The following CDK19 variants were observed in gnomAD, a reference collection of about 807,000 sequenced individuals.
CDK19 encodes cyclin-dependent kinase 19.
CDK19 carries 20 observed loss-of-function variants against 68.3 expected under a neutral mutation model. The observed-to-expected ratio is 0.29, with a 90% CI of 0.21 to 0.43. CDK19 has a LOEUF of 0.43. CDK19 is among the 20% of genes least tolerant of loss of function. The probability of loss-of-function intolerance (pLI) is 1.00; values close to 1 mark genes in which losing one functional copy is unlikely to be tolerated. For synonymous variants in CDK19, 221 were observed against 222.8 expected (o/e 0.99, Z 0.07); for missense variants, 339 against 623.5 (o/e 0.54, Z 4.86).
At chr6:110,643,356 A>G (rs1780330412) in intron 4 of CDK19, 1 of 398,832 alleles carries the variant, frequency 2.5e-6, no homozygotes, top group Admixed American at 3.4e-5. Context: ...AAGCTGAGTC[A>G]ACTATGGTAA....
chr6:110,629,121 C>T (rs1370445397), intron 6 of CDK19, among the ~76,000 whole-genome samples: 2 of 152,156 alleles, frequency 1.3e-5, no homozygotes, highest in African/African-American at 4.8e-5. Flanking sequence ...CTGCATGTGC[C>T]TGGTCATGCC....
chr6:110,790,279 T>C (rs947639239), intron 1 of CDK19, among the ~76,000 whole-genome samples: 5 of 152,244 alleles, frequency 3.3e-5, no homozygotes, highest in Non-Finnish European at 5.9e-5. Context: ...CTCACGCCTG[T>C]AATCCCAGCA....
At chr6:110,800,298 G>T (rs919454657) in intron 1 of CDK19, among the ~76,000 whole-genome samples, 22 of 152,052 alleles carry the variant, frequency 1.4e-4, no homozygotes, top group African/African-American at 5.1e-4. Flanking sequence ...GTTATGAAAT[G>T]GAATCAGTAA....
At chr6:110,645,247 CTA>C (rs1245321759) in intron 4 of CDK19, among the ~76,000 whole-genome samples, 1 of 152,050 alleles carries the variant, frequency 6.6e-6, no homozygotes, top group Non-Finnish European at 1.5e-5. Flanking sequence ...ATCAAACAGA[CTA>C]TGTTCTCTAA....
intron 1 of CDK19, among the ~76,000 whole-genome samples, chr6:110,759,605 T>G (rs1181260494): frequency 1.3e-5 from 2 of 150,852 alleles, no homozygotes; most frequent in Admixed American, 6.6e-5. Flanking sequence ...CTGGGCATTA[T>G]AGCAAAACCC....
intron 2 of CDK19, 146 bp from the exon 3 acceptor site, chr6:110,670,687 T>C (rs56013322): frequency 0.035 from 22,840 of 658,758 alleles, 568 homozygotes; most frequent in South Asian, 0.079. Context: ...CCCAAAATAC[T>C]GGCATTCAGA....
intron 5 of CDK19, among the ~76,000 whole-genome samples, chr6:110,637,745 C>T (rs553971729): frequency 6.6e-6 from 1 of 152,232 alleles, no homozygotes; most frequent in Non-Finnish European, 1.5e-5. Context: ...TTTGGGAAGC[C>T]AAGGCAGGCA....
At chr6:110,791,567 C>T (rs1781597490) in intron 1 of CDK19, among the ~76,000 whole-genome samples, 1 of 152,058 alleles carries the variant, frequency 6.6e-6, no homozygotes, top group African/African-American at 2.4e-5. Flanking sequence ...GTAGGTATTT[C>T]CTGAGAAAGA....
chr6:110,693,810 G>A (rs1773242758), intron 2 of CDK19, among the ~76,000 whole-genome samples: 1 of 152,100 alleles, frequency 6.6e-6, no homozygotes, highest in Non-Finnish European at 1.5e-5. Flanking sequence ...ACCTGCCCAA[G>A]TAGCTGAAGA....
intron 8 of CDK19, among the ~76,000 whole-genome samples, chr6:110,624,844 T>TAG (rs1221765017): frequency 6.6e-6 from 1 of 152,220 alleles, no homozygotes; most frequent in Admixed American, 6.5e-5. Flanking sequence ...AGACCCCTAC[T>TAG]AGACCCTGAT....
intron 2 of CDK19, among the ~76,000 whole-genome samples, chr6:110,734,324 T>A (rs1777011520): frequency 6.6e-6 from 1 of 152,074 alleles, no homozygotes; most frequent in Admixed American, 6.6e-5. Flanking sequence ...CATCAACTTT[T>A]AACGGTACCT....
intron 1 of CDK19, among the ~76,000 whole-genome samples, chr6:110,775,141 A>G (rs1180951858): frequency 2.6e-5 from 4 of 152,104 alleles, no homozygotes; most frequent in Non-Finnish European, 5.9e-5. Context: ...GCTACTCGGG[A>G]GGCTGAGGCA....
chr6:110,735,054 A>G (rs1656240914), intron 2 of CDK19, among the ~76,000 whole-genome samples: 1 of 152,110 alleles, frequency 6.6e-6, no homozygotes, highest in African/African-American at 2.4e-5. Context: ...TGGAAAGGAA[A>G]ATCAGAATGG....
chr6:110,749,507 C>T (rs987448854), intron 1 of CDK19, among the ~76,000 whole-genome samples: 1 of 152,060 alleles, frequency 6.6e-6, no homozygotes, highest in African/African-American at 2.4e-5. Flanking sequence ...ACTGCAGGCA[C>T]ATACCACACA....
chr6:110,715,753 C>T (rs951966048), intron 2 of CDK19, among the ~76,000 whole-genome samples: 33 of 152,334 alleles, frequency 2.2e-4, no homozygotes, highest in African/African-American at 7.9e-4. Context: ...TCCCAAAGTG[C>T]TGGGATTACA....
At chr6:110,643,562 T>C (rs1392959482) in intron 4 of CDK19, among the ~76,000 whole-genome samples, 5 of 152,216 alleles carry the variant, frequency 3.3e-5, no homozygotes, top group Admixed American at 3.3e-4. Flanking sequence ...TTTGGGGTTA[T>C]AGCTAAGGAT....
intron 4 of CDK19, among the ~76,000 whole-genome samples, chr6:110,652,375 T>A (rs761144379): frequency 3.3e-5 from 5 of 152,110 alleles, no homozygotes; most frequent in Non-Finnish European, 7.4e-5. Flanking sequence ...GTAAATGAGA[T>A]CCAAATAAAT....
chr6:110,755,931 G>A (rs1778806202), intron 1 of CDK19, among the ~76,000 whole-genome samples: 1 of 152,070 alleles, frequency 6.6e-6, no homozygotes, highest in African/African-American at 2.4e-5. Flanking sequence ...AGAATGGAGG[G>A]AATGGACTCA....
chr6:110,770,929 C>T (rs1453043160), intron 1 of CDK19, among the ~76,000 whole-genome samples: 1 of 152,216 alleles, frequency 6.6e-6, no homozygotes, highest in Non-Finnish European at 1.5e-5. Flanking sequence ...TCTCCTTTGA[C>T]TCGAGGTCTC....
Sources: allele counts gnomAD v4.1 joint callset (sites outside exome capture counted in the v4.1 genomes callset), GRCh38; gene constraint gnomAD v4.1.1; transcripts MANE v1.5; gene names NCBI Gene and HGNC (gene_info 2026-07-23, HGNC 2026-07-21).